Variants in BRINP3 observed in about 807,000 individuals in gnomAD.
The protein encoded by BRINP3 is BMP/retinoic acid-inducible neural-specific protein 3.
BRINP3 carries 19 observed loss-of-function variants against 71.0 expected under a neutral mutation model. That is an observed-to-expected ratio of 0.27 (90% CI 0.19 to 0.39). The LOEUF (loss-of-function observed/expected upper bound fraction) is 0.39, where lower values mean the gene tolerates loss of function less well. Ranked by LOEUF, BRINP3 falls within the 10% of genes least tolerant of loss-of-function variation. The pLI is 1.00. For synonymous variants in BRINP3, 380 were observed against 337.7 expected, an observed-to-expected ratio of 1.13 and a Z score of -1.37; for missense variants, 959 against 940.8, an observed-to-expected ratio of 1.02 and a Z score of -0.25.
intron 6 of BRINP3, among the ~76,000 whole-genome samples, chr1:190,202,872 C>A (rs761371151): frequency 1.3e-5 from 2 of 152,056 alleles, no homozygotes; most frequent in Admixed American, 1.3e-4. Flanking sequence ...TCAGGTAAGT[C>A]TTTATCAGCA....
chr1:190,134,808 T>C (rs1031481559), intron 7 of BRINP3, among the ~76,000 whole-genome samples: 1 of 152,082 alleles, frequency 6.6e-6, no homozygotes, highest in African/African-American at 2.4e-5. Flanking sequence ...ATATGAGTAA[T>C]AATAAAGTGT....
At chr1:190,273,053 G>GT (rs35422922) in intron 3 of BRINP3, among the ~76,000 whole-genome samples, 57,912 of 143,096 alleles carry the variant, frequency 0.4, 12,189 homozygotes, top group Non-Finnish European at 0.49. Context: ...TAAGAGATCT[G>GT]TTTTTTTTTT....
chr1:190,242,424 T>A (rs1388047148), intron 4 of BRINP3, among the ~76,000 whole-genome samples: 1 of 152,050 alleles, frequency 6.6e-6, no homozygotes, highest in East Asian at 1.9e-4. Context: ...ATAGATACAG[T>A]TTAAAATAGT....
At chr1:190,423,914 A>G (rs191076602) in intron 2 of BRINP3, among the ~76,000 whole-genome samples, 1 of 151,860 alleles carries the variant, frequency 6.6e-6, no homozygotes, top group Non-Finnish European at 1.5e-5. Flanking sequence ...AATGCGAAGC[A>G]AGTTTATGTT....
chr1:190,284,377 A>G (rs1002401856), intron 2 of BRINP3, among the ~76,000 whole-genome samples: 7 of 152,070 alleles, frequency 4.6e-5, no homozygotes, highest in Non-Finnish European at 2.9e-5. Context: ...TGTTGCTGGC[A>G]ATACAGATGA....
At chr1:190,187,908 T>A (rs1225922665) in intron 6 of BRINP3, among the ~76,000 whole-genome samples, 1 of 151,994 alleles carries the variant, frequency 6.6e-6, no homozygotes, top group Non-Finnish European at 1.5e-5. Context: ...TTTCTATTTT[T>A]TTTGAAAAAT....
intron 7 of BRINP3, among the ~76,000 whole-genome samples, chr1:190,110,420 A>T (rs959505115): frequency 6.6e-6 from 1 of 152,242 alleles, no homozygotes; most frequent in Non-Finnish European, 1.5e-5. Flanking sequence ...CATTTTAGGC[A>T]GCCCAGATAA....
At chr1:190,359,683 A>C (rs1009823073) in intron 2 of BRINP3, among the ~76,000 whole-genome samples, 19 of 152,096 alleles carry the variant, frequency 1.2e-4, no homozygotes, top group African/African-American at 4.6e-4. Flanking sequence ...GCATACTGTC[A>C]TACATTGAAG....
intron 7 of BRINP3, among the ~76,000 whole-genome samples, chr1:190,132,774 A>G (rs1654647603): frequency 1.3e-5 from 2 of 152,100 alleles, no homozygotes; most frequent in Non-Finnish European, 2.9e-5. Flanking sequence ...TGTGGAAAAG[A>G]TTTGCATCTC....
At chr1:190,282,406 T>C (rs1039682221) in intron 2 of BRINP3, among the ~76,000 whole-genome samples, 1 of 151,944 alleles carries the variant, frequency 6.6e-6, no homozygotes, top group Non-Finnish European at 1.5e-5. Context: ...TTAAAGAATG[T>C]ATACATTTAC....
intron 2 of BRINP3, among the ~76,000 whole-genome samples, chr1:190,385,623 A>C (rs1670840274): frequency 6.6e-6 from 1 of 152,012 alleles, no homozygotes; most frequent in African/African-American, 2.4e-5. Context: ...ATACTTTTAC[A>C]CTGTTGGTGG....
chr1:190,182,356 G>C (rs1653102797), intron 6 of BRINP3, among the ~76,000 whole-genome samples: 1 of 151,938 alleles, frequency 6.6e-6, no homozygotes, highest in South Asian at 2.1e-4. Flanking sequence ...AGGTTCCCCA[G>C]GCTCTATTTA....
In BRINP3 at chr1:190,357,776, C is replaced by T. The variant is rs1004564002; in HGVS notation, c.237-76026G>A. On this transcript the variant is annotated intron_variant, in intron 2 of 7. Coordinates refer to ENST00000367462, the MANE Select transcript of BRINP3 (RefSeq NM_199051.3). ...ACCTTGGGCAGTATAGCCATTTTCA[C>T]GATATTGATTCTTCCTATCTGGTAC... 3.3e-5 allele frequency among the ~76,000 whole-genome samples: 5 copies of T among 151,796 alleles called. No homozygotes were observed. In the South Asian group the frequency reaches 6.2e-4, roughly 19 times the overall value.
chr1:190,207,136 A>T (rs1167110071), intron 6 of BRINP3, among the ~76,000 whole-genome samples: 2 of 152,072 alleles, frequency 1.3e-5, no homozygotes, highest in Non-Finnish European at 2.9e-5. Flanking sequence ...GAAATTAAAT[A>T]ATCAATACTA....
chr1:190,259,038 A>G (rs530798387), intron 4 of BRINP3, among the ~76,000 whole-genome samples: 1 of 152,230 alleles, frequency 6.6e-6, no homozygotes, highest in East Asian at 1.9e-4. Flanking sequence ...TCACATCTAG[A>G]TGGTTTCACC....
intron 2 of BRINP3, among the ~76,000 whole-genome samples, chr1:190,305,364 A>G (rs1031754355): frequency 6.6e-6 from 1 of 151,878 alleles, no homozygotes; most frequent in Non-Finnish European, 1.5e-5. Context: ...ATGTCCATTA[A>G]TTGATGAATG....
At chr1:190,272,420 A>G (rs965413216) in intron 3 of BRINP3, among the ~76,000 whole-genome samples, 2 of 151,434 alleles carry the variant, frequency 1.3e-5, no homozygotes, top group African/African-American at 4.8e-5. Context: ...AAAGTTGCAT[A>G]TGTACTTAGC....
intron 2 of BRINP3, among the ~76,000 whole-genome samples, chr1:190,440,225 TG>T (rs1413182185): frequency 1.3e-5 from 2 of 152,076 alleles, no homozygotes; most frequent in African/African-American, 4.8e-5. Context: ...TCATGTCTCT[TG>T]CATTATTTAA....
At chr1:190,348,795 T>C (rs1459782382) in intron 2 of BRINP3, among the ~76,000 whole-genome samples, 2 of 152,144 alleles carry the variant, frequency 1.3e-5, no homozygotes, top group African/African-American at 4.8e-5. Context: ...GACACACTTC[T>C]TCAGAGTTCA....
Sources: allele counts gnomAD v4.1 joint callset (sites outside exome capture counted in the v4.1 genomes callset), GRCh38; gene constraint gnomAD v4.1.1; transcripts MANE v1.5; gene names NCBI Gene and HGNC (gene_info 2026-07-23, HGNC 2026-07-21).